CEP19: variants seen among roughly 807,000 people sequenced by gnomAD.
The protein encoded by CEP19 is centrosomal protein of 19 kDa.
Under a neutral mutation model 17.5 loss-of-function variants are expected in CEP19, and 14 were observed. The observed-to-expected ratio is 0.80, with a 90% CI of 0.53 to 1.25. The LOEUF is 1.25. CEP19 is among the 50% of genes most tolerant of loss of function. CEP19 has a pLI of 0.00. For synonymous variants in CEP19, 59 were observed against 65.5 expected (o/e 0.90, Z 0.48); for missense variants, 193 against 192.0 (o/e 1.01, Z -0.03).
chr3:196,710,640 C>T (rs1300840359), intron 1 of CEP19, among the ~76,000 whole-genome samples: 1 of 151,980 alleles, frequency 6.6e-6, no homozygotes, highest in Non-Finnish European at 1.5e-5. Flanking sequence ...GAGTTTGAGA[C>T]CAGCCTGGGC....
rs928530762 is a variant in CEP19 at position 196,706,641 on chromosome 3, T to G, written c.*910A>C. 11 of 152,164 alleles carry G rather than the reference T, an allele frequency of 7.2e-5. No individual in the cohort carries two copies. The highest frequency in any genetic ancestry group is 2.7e-4 in the African/African-American group (11 of 41,442). 9.4% of individuals were successfully genotyped at this position (152,164 alleles called of 1,614,324 possible). On this transcript the variant is annotated 3_prime_UTR_variant, in exon 3 of 3. Transcript: ENST00000409690. ...TTTGCAGGGTACTCTTTTCCAGAGA[T>G]AAATAATATAAAGATATAACACATA... is the stretch of plus-strand genomic sequence containing the variant.
chr3:196,711,027 A>G (rs955019004), intron 1 of CEP19, among the ~76,000 whole-genome samples: 59 of 149,630 alleles, frequency 3.9e-4, no homozygotes, highest in African/African-American at 1.4e-3. Context: ...ACTACAACCT[A>G]CGGGGCACAT....
At position 196,708,615 on chromosome 3, in the gene CEP19, G is replaced by A. The variant is rs759207817; in HGVS notation, c.43C>T (p.Pro15Ser). 8 of 1,614,042 alleles carry A rather than the reference G, an allele frequency of 5.0e-6. No homozygotes were observed. The South Asian group carries it at 8.8e-5, about 18-fold the overall frequency. ...CTCTCATAGATTAAGATAATAGCTG[G>A]AGGCTGAAACCTAATCCCACATTTC... is the stretch of plus-strand genomic sequence containing the variant. The part of the protein sequence containing the change: ...AKKCGIRFQP[P>S]AIILIYESEI... The change falls in exon 2 of 3, where the codon CCA becomes TCA. Residue 15 changes from proline (P) to serine (S), a missense_variant. Physicochemically the swap from Pro to Ser is moderately conservative, Grantham distance 74 (BLOSUM62 -1). Coordinates refer to ENST00000409690, the MANE Select transcript of CEP19 (RefSeq NM_032898.5).
chr3:196,708,607 A>G lies in CEP19; in HGVS notation c.51T>C (p.Ile17=), dbSNP rs961817239. ...KCGIRFQPPA[I]ILIYESEIKG... The stretch of plus-strand genomic sequence containing the variant: ...TGATTTCACTCTCATAGATTAAGAT[A>G]ATAGCTGGAGGCTGAAACCTAATCC... Residue 17 remains isoleucine (I), a synonymous_variant, in exon 2 of 3, where the codon ATT becomes ATC. Transcript: ENST00000409690. The G allele has an allele frequency of 6.2e-6, 10 of 1,613,972 alleles. No individual in the cohort carries two copies. The East Asian group carries it at 8.9e-5, about 14-fold the overall frequency.
At chr3:196,711,908 G>C in intron 1 of CEP19, 21 bp downstream of exon 1, 1 of 717,462 alleles carries the variant, frequency 1.4e-6, no homozygotes, top group Non-Finnish European at 2.6e-6. Flanking sequence ...GTCTCCACTA[G>C]TGCAAGGCTG....
intron 1 of CEP19, among the ~76,000 whole-genome samples, chr3:196,710,489 G>C (rs142013156): frequency 1.3e-5 from 2 of 152,256 alleles, no homozygotes; most frequent in East Asian, 3.9e-4. Flanking sequence ...AGGTTGCAGT[G>C]AGCTGAGATG....
chr3:196,710,139 T>A (rs899095116), intron 1 of CEP19, among the ~76,000 whole-genome samples: 3 of 152,212 alleles, frequency 2.0e-5, no homozygotes, highest in African/African-American at 7.2e-5. Flanking sequence ...TCATCAAATG[T>A]TTTACTACAA....
chr3:196,709,201 G>T (rs1272685297), intron 1 of CEP19, among the ~76,000 whole-genome samples: 1 of 152,112 alleles, frequency 6.6e-6, no homozygotes, highest in Non-Finnish European at 1.5e-5. Flanking sequence ...TATCAATTAA[G>T]AAAGGGCATA....
In CEP19 at chr3:196,706,569, T is replaced by C. The variant is rs996799153; in HGVS notation, c.*982A>G. 1.3e-5 allele frequency: 2 copies of C among 152,122 alleles called. No homozygotes were observed. The highest frequency in any genetic ancestry group is 1.9e-4 in the East Asian group (1 of 5,200). 9.4% of individuals were successfully genotyped at this position (152,122 alleles called of 1,614,324 possible). A position where few individuals can be genotyped will look rare whatever the true frequency, so the allele number is the denominator to read the frequency against. On this transcript the variant is annotated 3_prime_UTR_variant, in exon 3 of 3. Coordinates refer to ENST00000409690, the MANE Select transcript of CEP19 (RefSeq NM_032898.5). Reference sequence around the variant, plus strand: ...ATTTCCCGATACCGGAGGGGCAGAATTCCCCCTCTGTCCATCAAGTGACAT... The same window carrying C: ...ATTTCCCGATACCGGAGGGGCAGAACTCCCCCTCTGTCCATCAAGTGACAT...
Position 196,707,643 on chromosome 3 carries a change from G to C in CEP19, c.400C>G (p.Pro134Ala). 1 of 1,613,920 alleles carries C rather than the reference G, an allele frequency of 6.2e-7. No homozygotes were observed. The highest frequency in any genetic ancestry group is 8.5e-7 in the Non-Finnish European group (1 of 1,179,988). The change falls in exon 3 of 3, where the codon CCA becomes GCA. Residue 134 changes from proline to alanine, a missense_variant. Transcript: ENST00000409690. ...ACCTCAATGTCATAAACAAAATTTG[G>C]ATCATCCTTCTTCTTCTGATTTTTC... ...FEKNQKKKDD[P>A]NFVYDIEVEF...
Position 196,706,480 on chromosome 3 carries a change from A to G in CEP19, c.*1071T>C, listed in dbSNP as rs1711520817. ...TTCATTTATTATGGGTGGATTTCCC[A>G]TTTTACAAACAAACCTTTTATTTAT... On this transcript the variant is annotated 3_prime_UTR_variant, in exon 3 of 3. Transcript: ENST00000409690. 1 of 152,104 alleles carries G rather than the reference A, an allele frequency of 6.6e-6. No homozygotes were observed. Among genetic ancestry groups the G allele is most frequent in the Admixed American group, 6.6e-5 (1 of 15,266 alleles). The allele number at this position is 152,104 out of a possible 1,614,324, so 9.4% of individuals were successfully genotyped here.
At position 196,707,578 on chromosome 3, in the gene CEP19, C is replaced by A; in HGVS notation, c.465G>T (p.Trp155Cys). 1 of 1,611,352 alleles carries A rather than the reference C, an allele frequency of 6.2e-7. No individual in the cohort carries two copies. Among genetic ancestry groups the A allele is most frequent in the Admixed American group, 1.7e-5 (1 of 59,894 alleles). Reference sequence around the variant, plus strand: ...AGAACTCATCAGCTGACTCTGTGTCCCAGCCACAGGACTGCAGTTGATCGT... The same window carrying A: ...AGAACTCATCAGCTGACTCTGTGTCACAGCCACAGGACTGCAGTTGATCGT... ...PQDDQLQSCG[W>C]DTESADEF The change falls in exon 3 of 3, where the codon TGG (tryptophan) becomes TGT (cysteine). Residue 155 changes from tryptophan (W) to cysteine (C), a missense_variant. Transcript: ENST00000409690.
At chr3:196,708,420 G>C in intron 2 of CEP19, 108 bp downstream of exon 2, 1 of 981,148 alleles carries the variant, frequency 1.0e-6, no homozygotes, top group South Asian at 1.5e-5. Flanking sequence ...AGCTCACTGA[G>C]AGTAAGTAAT....
rs1711589012 is a variant in CEP19, at chr3:196,707,922, A to G, written c.131-10T>C. On this transcript the variant is annotated splice_polypyrimidine_tract_variant and intron_variant, in intron 2 of 2. Coordinates refer to ENST00000409690, the MANE Select transcript of CEP19 (RefSeq NM_032898.5). ...GCAGCTCTGGTGCAATCTGGGAGAG[A>G]GAAGAAAACTATATACCACATACGT... 1.9e-6 allele frequency: 3 copies of G among 1,605,138 alleles called. No individual in the cohort carries two copies. Among genetic ancestry groups the G allele is most frequent in the East Asian group, 4.5e-5 (2 of 44,894 alleles).
At chr3:196,710,951 T>C (rs1395251087) in intron 1 of CEP19, among the ~76,000 whole-genome samples, 1 of 144,620 alleles carries the variant, frequency 6.9e-6, no homozygotes, top group Non-Finnish European at 1.5e-5. Flanking sequence ...TTCTCTTTTC[T>C]TGCTTTTTTT....
chr3:196,711,308 G>A (rs1385643124), intron 1 of CEP19, among the ~76,000 whole-genome samples: 1 of 150,772 alleles, frequency 6.6e-6, no homozygotes, highest in East Asian at 1.9e-4. Flanking sequence ...TAAGAAACAT[G>A]CTTATACTAC....
In CEP19 at chr3:196,707,856, C is replaced by T; in HGVS notation, c.187G>A (p.Glu63Lys). The T allele has an allele frequency of 1.2e-6, 2 of 1,613,890 alleles. No individual in the cohort carries two copies. The highest frequency in any genetic ancestry group is 1.7e-6 in the Non-Finnish European group (2 of 1,180,024). ...TCTAGCTGCCTCAGGGATACTTGTT[C>T]TAGGTAACTCTTGTGTCGCGGATTA... ...KNNPRHKSYL[E>K]QVSLRQLEKL... is the part of the protein sequence containing the mutation. Residue 63 changes from glutamate to lysine, a missense_variant, in exon 3 of 3, where the codon GAA (glutamate) becomes AAA (lysine). Transcript: ENST00000409690.
In CEP19 at chr3:196,706,670, G is replaced by A. The variant is rs1335644430; in HGVS notation, c.*881C>T. ...TAATATAAAGATATAACACATAAGA[G>A]GTAATTCCCTGGTAACCATATATGT... On this transcript the variant is annotated 3_prime_UTR_variant, in exon 3 of 3. Transcript: ENST00000409690. The A allele has an allele frequency of 6.6e-6, 1 of 152,112 alleles. No individual in the cohort carries two copies. The highest frequency in any genetic ancestry group is 1.5e-5 in the Non-Finnish European group (1 of 68,030). 9.4% of individuals were successfully genotyped at this position (152,112 alleles called of 1,614,324 possible). A position where few individuals can be genotyped will look rare whatever the true frequency, so the allele number is the denominator to read the frequency against.
chr3:196,712,168 G>T lies in CEP19; in HGVS notation c.-310C>A, dbSNP rs965955447. 1.7e-6 allele frequency: 1 copy of T among 574,166 alleles called. No individual in the cohort carries two copies. Among genetic ancestry groups the T allele is most frequent in the Non-Finnish European group, 3.1e-6 (1 of 319,182 alleles). 35.6% of individuals were successfully genotyped at this position (574,166 alleles called of 1,614,324 possible). A position where few individuals can be genotyped will look rare whatever the true frequency, so the allele number is the denominator to read the frequency against. Reference sequence around the variant, plus strand: ...GAAGCGGAGGTGGGGGCCGGCTGGGGGACCGGTCCACCGGCTCCCACCTCG... The same window carrying T: ...GAAGCGGAGGTGGGGGCCGGCTGGGTGACCGGTCCACCGGCTCCCACCTCG... On this transcript the variant is annotated 5_prime_UTR_variant, in exon 1 of 3. Coordinates refer to ENST00000409690, the MANE Select transcript of CEP19 (RefSeq NM_032898.5).
Sources: allele counts gnomAD v4.1 joint callset (sites outside exome capture counted in the v4.1 genomes callset), GRCh38; gene constraint gnomAD v4.1.1; transcripts MANE v1.5; gene names NCBI Gene and HGNC (gene_info 2026-07-23, HGNC 2026-07-21).